The following SND1 variants were observed in gnomAD, a reference collection of about 807,000 sequenced individuals.
SND1 encodes staphylococcal nuclease and tudor domain containing 1.
A neutral mutation model predicts 121.7 loss-of-function variants in SND1; 38 were observed. That is an observed-to-expected ratio of 0.31 (90% CI 0.24 to 0.41). The LOEUF (loss-of-function observed/expected upper bound fraction) is 0.41, where lower values mean the gene tolerates loss of function less well. Ranked by LOEUF, SND1 falls within the 10% of genes least tolerant of loss-of-function variation. The pLI is 1.00. For synonymous variants in SND1, 401 were observed against 447.4 expected (o/e 0.90, Z 1.31); for missense variants, 868 against 1,184.6 (o/e 0.73, Z 3.92).
intron 15 of SND1, among the ~76,000 whole-genome samples, chr7:127,931,365 C>T (rs1054596953): frequency 2.6e-5 from 4 of 152,170 alleles, no homozygotes; most frequent in African/African-American, 9.7e-5. Flanking sequence ...GGATTTGACT[C>T]TCCTCAATTC....
At chr7:127,991,639 G>A (rs1257738169) in intron 16 of SND1, among the ~76,000 whole-genome samples, 1 of 152,050 alleles carries the variant, frequency 6.6e-6, no homozygotes, top group Non-Finnish European at 1.5e-5. Flanking sequence ...CTGCTAGGTG[G>A]GCACAAGAAA....
In SND1 at chr7:127,701,246, A is replaced by G. The variant is rs1421771263; in HGVS notation, c.512A>G (p.His171Arg). ...ATGTGGAGTGAGGGGAACGGTTCAC[A>G]TACTATCCGGGATCTCAAGTATACC... ...KGMWSEGNGS[H>R]TIRDLKYTIE... The change falls in exon 5 of 24, where the codon CAT becomes CGT. Residue 171 changes from histidine to arginine, a missense_variant. His to Arg is a conservative substitution (Grantham distance 29, BLOSUM62 0). Transcript: ENST00000354725. 3 of 1,614,120 alleles carry G rather than the reference A, an allele frequency of 1.9e-6. No homozygotes were observed. Among genetic ancestry groups the G allele is most frequent in the Admixed American group, 1.7e-5 (1 of 60,012 alleles).
Position 128,065,264 on chromosome 7 carries a change from T to C in SND1, c.1780-9238T>C, listed in dbSNP as rs185345439. Among the ~76,000 whole-genome samples, 315 of 152,352 alleles carry C rather than the reference T, an allele frequency of 2.1e-3. 2 individuals carry two copies. Among genetic ancestry groups the C allele is most frequent in the African/African-American group, 7.1e-3 (294 of 41,590 alleles). On this transcript the variant is annotated intron_variant, in intron 16 of 23. Coordinates refer to ENST00000354725, the MANE Select transcript of SND1 (RefSeq NM_014390.4). ...TGGATGGAAGGGAATGAAGTAATCA[T>C]GGATGCTAAATGCTTCTTAACAGCA...
intron 16 of SND1, among the ~76,000 whole-genome samples, chr7:127,995,844 G>A (rs753934822): frequency 3.9e-5 from 6 of 152,208 alleles, no homozygotes; most frequent in Non-Finnish European, 7.3e-5. Flanking sequence ...CCAGGCTGTA[G>A]GAGGTACAGT....
At chr7:127,857,359 A>ATT (rs34235946) in intron 12 of SND1, among the ~76,000 whole-genome samples, 2 of 113,148 alleles carry the variant, frequency 1.8e-5, no homozygotes, top group Middle Eastern at 3.9e-3. Flanking sequence ...CCCCCGGCTA[A>ATT]TTTTTTTTTT....
chr7:127,977,176 C>A (rs1253355802), intron 15 of SND1, among the ~76,000 whole-genome samples: 1 of 152,186 alleles, frequency 6.6e-6, no homozygotes, highest in Non-Finnish European at 1.5e-5. Context: ...CACTCCACCA[C>A]CCCCATTGGA....
chr7:127,932,654 G>A (rs1166957664), intron 15 of SND1, among the ~76,000 whole-genome samples: 2 of 152,184 alleles, frequency 1.3e-5, no homozygotes, highest in East Asian at 3.8e-4. Flanking sequence ...GCCAGTTGAT[G>A]GAACAAACCT....
At chr7:128,057,453 T>G (rs1475832357) in intron 16 of SND1, among the ~76,000 whole-genome samples, 2 of 152,168 alleles carry the variant, frequency 1.3e-5, no homozygotes, top group East Asian at 3.8e-4. Context: ...AGGTGGGCAG[T>G]TCAGAACCAA....
chr7:127,658,023 A>G (rs2116225927), intron 1 of SND1, among the ~76,000 whole-genome samples: 1 of 152,330 alleles, frequency 6.6e-6, no homozygotes, highest in South Asian at 2.1e-4. Flanking sequence ...GGCTGGGCAC[A>G]GTGGCTCATG....
intron 12 of SND1, among the ~76,000 whole-genome samples, chr7:127,885,043 G>A (rs922372608): frequency 1.3e-5 from 2 of 152,046 alleles, no homozygotes; most frequent in South Asian, 2.1e-4. Context: ...TTGCACCCAG[G>A]TTGAACTCTG....
chr7:127,883,597 A>G (rs995689765), intron 12 of SND1, among the ~76,000 whole-genome samples: 1 of 152,144 alleles, frequency 6.6e-6, no homozygotes, highest in Non-Finnish European at 1.5e-5. Context: ...GAGGCAGGAC[A>G]TTTTCCTGCA....
intron 13 of SND1, among the ~76,000 whole-genome samples, chr7:127,896,078 A>T (rs1800112909): frequency 6.6e-6 from 1 of 152,062 alleles, no homozygotes; most frequent in Non-Finnish European, 1.5e-5. Context: ...TCTGTTCTGT[A>T]ATCATTAGTC....
At chr7:128,053,267 C>T (rs925086127) in intron 16 of SND1, among the ~76,000 whole-genome samples, 2 of 152,244 alleles carry the variant, frequency 1.3e-5, no homozygotes, top group East Asian at 1.9e-4. Flanking sequence ...TTCCTAAAGC[C>T]TCTTTTATCC....
intron 21 of SND1, among the ~76,000 whole-genome samples, chr7:128,088,700 A>C (rs1364039251): frequency 6.7e-6 from 1 of 148,790 alleles, no homozygotes; most frequent in African/African-American, 2.5e-5. Flanking sequence ...TCACCCACCC[A>C]CCTCGGCCTC....
rs12670484 is a variant in SND1 at position 127,994,586 on chromosome 7, C to T, written c.1779+3530C>T. ...AAAAAAAAAAAAAAAAAAAAAAAAA[C>T]AGTAAATTCAGTCTTTCTTTCTAGC... On this transcript the variant is annotated intron_variant, in intron 16 of 23. Coordinates refer to ENST00000354725, the MANE Select transcript of SND1 (RefSeq NM_014390.4). 4.9e-5 allele frequency among the ~76,000 whole-genome samples: 3 copies of T among 61,120 alleles called. 1 individual carries two copies. In the East Asian group the frequency reaches 1.5e-3, roughly 30 times the overall value. The allele number at this position is 61,120 out of a possible 152,430, so 40.1% of individuals were successfully genotyped here.
At chr7:127,896,672 A>G (rs1369389998) in intron 13 of SND1, among the ~76,000 whole-genome samples, 1 of 152,134 alleles carries the variant, frequency 6.6e-6, no homozygotes, top group African/African-American at 2.4e-5. Context: ...AACAGAGAAC[A>G]AGGCATGGAA....
At chr7:127,664,247 A>G (rs1016589127) in intron 1 of SND1, among the ~76,000 whole-genome samples, 4 of 152,110 alleles carry the variant, frequency 2.6e-5, no homozygotes, top group Admixed American at 6.5e-5. Flanking sequence ...AAGTGTTGGG[A>G]TTACAGGCGT....
intron 13 of SND1, among the ~76,000 whole-genome samples, chr7:127,900,412 G>A (rs1800205378): frequency 6.6e-6 from 1 of 152,182 alleles, no homozygotes; most frequent in South Asian, 2.1e-4. Context: ...GAGAGCATTG[G>A]TCTTGAGATT....
rs536231874 is a variant in SND1, at chr7:127,852,827, A to G, written c.1343+8403A>G. On this transcript the variant is annotated intron_variant, in intron 12 of 23. Transcript: ENST00000354725. The stretch of plus-strand genomic sequence containing the variant: ...CTTGGTCTCAAAAAAAAAAAGAAGA[A>G]AAAGAAATAACACCCTCTTCTGTTG... Among the ~76,000 whole-genome samples the G allele has an allele frequency of 4.6e-5, 7 of 152,238 alleles. No homozygotes were observed. The South Asian group carries it at 1.5e-3, about 32-fold the overall frequency.
Sources: gnomAD v4.1 joint callset for allele counts (sites outside exome capture counted in the v4.1 genomes callset) on GRCh38, gnomAD v4.1.1 for gene constraint, MANE v1.5 for transcripts, NCBI Gene and HGNC (gene_info 2026-07-23, HGNC 2026-07-21) for gene names.